ZFYVE28: variants seen among roughly 807,000 people sequenced by gnomAD.
The protein encoded by ZFYVE28 is zinc finger FYVE-type containing 28, also known as lateral signaling target protein 2 homolog.
A neutral mutation model predicts 82.1 loss-of-function variants in ZFYVE28; 40 were observed. The observed-to-expected ratio is 0.49, with a 90% CI of 0.38 to 0.63. ZFYVE28 has a LOEUF of 0.63. Among genes scored for constraint, ZFYVE28 ranks in the 30% least tolerant of loss-of-function variants. The pLI, the probability that ZFYVE28 is intolerant of heterozygous loss-of-function variation, is 0.00. For missense variants in ZFYVE28, 1,321 were observed against 1,242.1 expected (o/e 1.06, Z -0.96); for synonymous variants, 612 against 546.1 (o/e 1.12, Z -1.68).
At chr4:2,344,491 A>C (rs552631267) in intron 2 of ZFYVE28, among the ~76,000 whole-genome samples, 1 of 152,354 alleles carries the variant, frequency 6.6e-6, no homozygotes, top group East Asian at 1.9e-4. Flanking sequence ...CAAAGGAATA[A>C]ACTGTTTCTA....
chr4:2,333,801 G>C (rs1027280957), intron 6 of ZFYVE28, among the ~76,000 whole-genome samples: 3 of 152,252 alleles, frequency 2.0e-5, no homozygotes, highest in African/African-American at 7.2e-5. Flanking sequence ...CGGCTCGCAG[G>C]ATCTTTGCTG....
rs1385524651 is a variant in ZFYVE28 at position 2,331,369 on chromosome 4, C to T, written c.701+4336G>A. 2.6e-5 allele frequency among the ~76,000 whole-genome samples: 4 copies of T among 151,930 alleles called. No individual in the cohort carries two copies. The East Asian group carries it at 5.8e-4, about 22-fold the overall frequency. On this transcript the variant is annotated intron_variant, in intron 6 of 12. Coordinates refer to ENST00000290974, the MANE Select transcript of ZFYVE28 (RefSeq NM_020972.3). ...ACTGTTTTAAGGCCGGGGCTGGGCA[C>T]GGTACCTCATGCCTGTAATCCTAGC... is the stretch of plus-strand genomic sequence containing the variant.
chr4:2,360,936 T>C (rs900270783), intron 1 of ZFYVE28, among the ~76,000 whole-genome samples: 3 of 152,212 alleles, frequency 2.0e-5, no homozygotes, highest in African/African-American at 7.2e-5. Flanking sequence ...CAATGACATT[T>C]TACAATTTCA....
intron 6 of ZFYVE28, chr4:2,324,687 T>G (rs576742218): frequency 4.1e-5 from 7 of 172,412 alleles, no homozygotes; most frequent in African/African-American, 1.7e-4. Context: ...AGGAAGAAGC[T>G]CTGACCGTTT....
At chr4:2,349,753 C>T (rs1724085687) in intron 2 of ZFYVE28, among the ~76,000 whole-genome samples, 1 of 151,766 alleles carries the variant, frequency 6.6e-6, no homozygotes, top group Non-Finnish European at 1.5e-5. Flanking sequence ...ATGTAATTTA[C>T]CATAATAAAA....
At chr4:2,293,607 G>T (rs1330863128) in intron 8 of ZFYVE28, among the ~76,000 whole-genome samples, 2 of 151,876 alleles carry the variant, frequency 1.3e-5, no homozygotes, top group Non-Finnish European at 2.9e-5. Context: ...CAAAAAATTA[G>T]CTGGGCGTAG....
chr4:2,288,361 C>T (rs573956094), intron 8 of ZFYVE28, among the ~76,000 whole-genome samples: 1 of 152,362 alleles, frequency 6.6e-6, no homozygotes, highest in African/African-American at 2.4e-5. Flanking sequence ...AAGTCCTGAT[C>T]TGTGCAGTGA....
intron 6 of ZFYVE28, chr4:2,330,768 AG>A (rs1335731507): frequency 6.6e-7 from 1 of 1,512,188 alleles, no homozygotes; most frequent in East Asian, 2.5e-5. Flanking sequence ...ACAGTGTGGC[AG>A]TAGGGATAGG....
At chr4:2,353,440 G>A (rs1578216020) in intron 2 of ZFYVE28, among the ~76,000 whole-genome samples, 2 of 152,230 alleles carry the variant, frequency 1.3e-5, no homozygotes, top group African/African-American at 2.4e-5. Flanking sequence ...GCAGCATGCC[G>A]TTTGCCGTTG....
chr4:2,288,905 G>A (rs940486642), intron 8 of ZFYVE28, among the ~76,000 whole-genome samples: 9 of 152,152 alleles, frequency 5.9e-5, no homozygotes, highest in Non-Finnish European at 1.0e-4. Flanking sequence ...ATCCTAGGCC[G>A]CAGTGAGCCA....
intron 1 of ZFYVE28, among the ~76,000 whole-genome samples, chr4:2,385,853 A>G (rs1729204311): frequency 6.6e-6 from 1 of 152,176 alleles, no homozygotes; most frequent in Non-Finnish European, 1.5e-5. Flanking sequence ...CTCACAGGGG[A>G]CCCATCTGGT....
intron 1 of ZFYVE28, among the ~76,000 whole-genome samples, chr4:2,356,992 A>C (rs921939218): frequency 1.3e-5 from 2 of 152,150 alleles, no homozygotes; most frequent in African/African-American, 4.8e-5. Flanking sequence ...TCCCAGGCTC[A>C]AGCAATCATC....
At chr4:2,370,568 G>A (rs1339537712) in intron 1 of ZFYVE28, among the ~76,000 whole-genome samples, 1 of 152,158 alleles carries the variant, frequency 6.6e-6, no homozygotes, top group Non-Finnish European at 1.5e-5. Context: ...CAGGACAGAG[G>A]TAGCCCTGGA....
intron 8 of ZFYVE28, among the ~76,000 whole-genome samples, chr4:2,277,999 G>A (rs891215892): frequency 2.5e-4 from 38 of 152,270 alleles, no homozygotes; most frequent in African/African-American, 8.9e-4. Context: ...CAATGAGACC[G>A]AGAGTCCGCA....
In ZFYVE28 at chr4:2,304,149, C is replaced by G. The variant is rs554045434; in HGVS notation, c.2051+140G>C. The G allele has an allele frequency of 2.7e-6, 3 of 1,123,316 alleles. No homozygotes were observed. The South Asian group carries it at 5.2e-5, about 20-fold the overall frequency. The allele number at this position is 1,123,316 out of a possible 1,614,324, so 69.6% of individuals were successfully genotyped here. A position where few individuals can be genotyped will look rare whatever the true frequency, so the allele number is the denominator to read the frequency against. On this transcript the variant is annotated intron_variant, in intron 8 of 12. Coordinates refer to ENST00000290974, the MANE Select transcript of ZFYVE28 (RefSeq NM_020972.3). ...CCCTGCCCCTCCTCACACACAGACC[C>G]CACACTCGGCCAGGGCCCAGCACCT... is the stretch of plus-strand genomic sequence containing the variant.
chr4:2,304,598 A>G lies in ZFYVE28; in HGVS notation c.1742T>C (p.Leu581Pro), dbSNP rs1475785427. 40 of 1,612,242 alleles carry G rather than the reference A, an allele frequency of 2.5e-5. No homozygotes were observed. Among genetic ancestry groups the G allele is most frequent in the Non-Finnish European group, 3.4e-5 (40 of 1,179,802 alleles). ...GDSREDVVER[L>P]REKCSPGGVI... ...GCCTCCCGGGCTGCACTTCTCCCGC[A>G]GACGCTCCACCACGTCCTCCCTGCT... is the stretch of plus-strand genomic sequence containing the variant. Residue 581 changes from leucine to proline, a missense_variant, in exon 8 of 13, where the codon CTG becomes CCG. Leu to Pro is a moderately conservative substitution (Grantham distance 98, BLOSUM62 -3). This residue lies in a region of ZFYVE28 where 978 missense variants were observed against 833.7 expected (regional missense o/e 1.17). Coordinates refer to ENST00000290974, the MANE Select transcript of ZFYVE28 (RefSeq NM_020972.3).
At chr4:2,353,037 C>T (rs1471308297) in intron 2 of ZFYVE28, among the ~76,000 whole-genome samples, 2 of 152,210 alleles carry the variant, frequency 1.3e-5, no homozygotes, top group Non-Finnish European at 2.9e-5. Flanking sequence ...AGAGGCTGTC[C>T]CTGGAGGGGC....
intron 8 of ZFYVE28, among the ~76,000 whole-genome samples, chr4:2,299,844 T>C (rs1373951452): frequency 6.6e-6 from 1 of 152,006 alleles, no homozygotes; most frequent in Non-Finnish European, 1.5e-5. Context: ...TCACCCAGGC[T>C]GCAGTACAGT....
intron 1 of ZFYVE28, among the ~76,000 whole-genome samples, chr4:2,392,460 A>T (rs991556184): frequency 6.6e-6 from 1 of 152,208 alleles, no homozygotes; most frequent in Admixed American, 6.5e-5. Context: ...AGAAAAGTAC[A>T]ATCATGTTAC....
Sources: gnomAD v4.1 joint callset for allele counts (sites outside exome capture counted in the v4.1 genomes callset) on GRCh38, gnomAD v4.1.1 for gene constraint, gnomAD v4.1.1 regional missense constraint, MANE v1.5 for transcripts, NCBI Gene and HGNC (gene_info 2026-07-23, HGNC 2026-07-21) for gene names.